The following GMEB1 variants were observed in gnomAD, a reference collection of about 807,000 sequenced individuals.
The protein encoded by GMEB1 is glucocorticoid modulatory element-binding protein 1.
In GMEB1, 6 loss-of-function variants were observed where a neutral mutation model predicts 52.4. The observed-to-expected ratio is 0.11, with a 90% CI of 0.06 to 0.23. The LOEUF (loss-of-function observed/expected upper bound fraction) is 0.23. Ranked by LOEUF, GMEB1 falls within the 10% of genes least tolerant of loss-of-function variation. The pLI, the probability that GMEB1 is intolerant of heterozygous loss-of-function variation, is 1.00. For synonymous variants in GMEB1, 255 were observed against 244.9 expected (o/e 1.04, Z -0.38); for missense variants, 486 against 685.6 (o/e 0.71, Z 3.25).
chr1:28,712,995 C>CAAA (rs35776002), intron 9 of GMEB1, among the ~76,000 whole-genome samples: 29 of 147,232 alleles, frequency 2.0e-4, no homozygotes, highest in Non-Finnish European at 2.5e-4. Context: ...TACTAAAATA[C>CAAA]AAAAAAAAAA....
At chr1:28,674,952 C>T (rs1669080267) in intron 1 of GMEB1, among the ~76,000 whole-genome samples, 3 of 144,690 alleles carry the variant, frequency 2.1e-5, no homozygotes, top group African/African-American at 7.7e-5. Flanking sequence ...ATCTCCTGAC[C>T]TCGTGATCCG....
At chr1:28,708,295 G>A (rs1048016735) in intron 8 of GMEB1, among the ~76,000 whole-genome samples, 2 of 151,978 alleles carry the variant, frequency 1.3e-5, no homozygotes, top group African/African-American at 4.8e-5. Flanking sequence ...CTCCCGAGTA[G>A]CTGGTACTAC....
intron 3 of GMEB1, 78 bp from the exon 4 acceptor site, chr1:28,691,507 C>G: frequency 9.4e-7 from 1 of 1,062,734 alleles, no homozygotes; most frequent in Non-Finnish European, 1.3e-6. Flanking sequence ...CTTAGAGGAA[C>G]CAGGAGACTA....
At chr1:28,674,178 A>G (rs913106133) in intron 1 of GMEB1, among the ~76,000 whole-genome samples, 2 of 151,312 alleles carry the variant, frequency 1.3e-5, no homozygotes, top group African/African-American at 4.9e-5. Flanking sequence ...AATGAAAAAA[A>G]GGAAAACAGA....
chr1:28,670,722 G>A (rs1286148943), intron 1 of GMEB1, among the ~76,000 whole-genome samples: 3 of 151,878 alleles, frequency 2.0e-5, no homozygotes, highest in Admixed American at 6.6e-5. Context: ...ATTCGCCCGC[G>A]TTGGCCTCCT....
intron 6 of GMEB1, among the ~76,000 whole-genome samples, chr1:28,699,220 T>C (rs1670377961): frequency 6.6e-6 from 1 of 152,154 alleles, no homozygotes; most frequent in Admixed American, 6.6e-5. Context: ...TTCAGTATTG[T>C]TGAGTTTGGT....
rs1053979030 is a variant in GMEB1, at chr1:28,717,060, C to T, written c.*2287C>T. 1 of 151,166 alleles carries T rather than the reference C, an allele frequency of 6.6e-6. No individual in the cohort carries two copies. Among genetic ancestry groups the T allele is most frequent in the Non-Finnish European group, 1.5e-5 (1 of 67,858 alleles). The allele number at this position is 151,166 out of a possible 1,614,324, so 9.4% of individuals were successfully genotyped here. A position where few individuals can be genotyped will look rare whatever the true frequency, so the allele number is the denominator to read the frequency against. On this transcript the variant is annotated 3_prime_UTR_variant, in exon 10 of 10. Transcript: ENST00000373816. ...TTTCTTTTTTATTTTTAAGAAGGCA[C>T]CTTTCAGAAGCCATGTTTCTTCCAA...
chr1:28,678,867 C>T (rs942085110), intron 1 of GMEB1, among the ~76,000 whole-genome samples: 5 of 151,998 alleles, frequency 3.3e-5, no homozygotes, highest in Non-Finnish European at 7.4e-5. Context: ...GTATCAGCCA[C>T]GGTGCCTGGC....
intron 1 of GMEB1, among the ~76,000 whole-genome samples, chr1:28,674,643 C>T (rs1216874529): frequency 6.6e-6 from 1 of 151,112 alleles, no homozygotes; most frequent in Non-Finnish European, 1.5e-5. Context: ...GATCTGACTG[C>T]CTGGTCCTCC....
At chr1:28,708,498 G>A (rs1428950103) in intron 8 of GMEB1, among the ~76,000 whole-genome samples, 1 of 147,562 alleles carries the variant, frequency 6.8e-6, no homozygotes, top group Admixed American at 6.8e-5. Flanking sequence ...TTTCGCTGTT[G>A]TTTCCCAGGC....
In GMEB1 at chr1:28,717,851, T is replaced by G. The variant is rs1271271158; in HGVS notation, c.*3078T>G. On this transcript the variant is annotated 3_prime_UTR_variant, in exon 10 of 10. Transcript: ENST00000373816. ...TGAATACCAACGTGCTAGCTCAGGT[T>G]CCCTTCTTTCCTCCATCAGAGCTAT... 6.6e-6 allele frequency: 1 copy of G among 152,160 alleles called. No homozygotes were observed. Among genetic ancestry groups the G allele is most frequent in the Non-Finnish European group, 1.5e-5 (1 of 68,032 alleles). 9.4% of individuals were successfully genotyped at this position (152,160 alleles called of 1,614,324 possible).
intron 1 of GMEB1, among the ~76,000 whole-genome samples, chr1:28,672,252 ACT>A (rs1276614942): frequency 1.4e-5 from 2 of 142,460 alleles, no homozygotes; most frequent in East Asian, 4.1e-4. Flanking sequence ...ACGGAGTCTC[ACT>A]CTGTCGCCCA....
intron 2 of GMEB1, among the ~76,000 whole-genome samples, chr1:28,688,743 G>A (rs1194142892): frequency 1.4e-5 from 2 of 144,340 alleles, no homozygotes; most frequent in African/African-American, 2.6e-5. Context: ...AAAATACACC[G>A]TTTCCAGCAA....
chr1:28,705,496 C>A (rs1432872068), intron 8 of GMEB1, among the ~76,000 whole-genome samples: 1 of 145,386 alleles, frequency 6.9e-6, no homozygotes, highest in Non-Finnish European at 1.5e-5. Context: ...GTCACCCAGG[C>A]TGGAGTGCAG....
In GMEB1 at chr1:28,687,372, ACAC is replaced by A. The variant is rs1285859050; in HGVS notation, c.129-2731_129-2729del. 1.9e-4 allele frequency among the ~76,000 whole-genome samples: 19 copies of A among 101,012 alleles called. 2 individuals are homozygous for A. Among genetic ancestry groups the A allele is most frequent in the South Asian group, 1.0e-3 (3 of 2,976 alleles). The allele number at this position is 101,012 out of a possible 152,430, so 66.3% of individuals were successfully genotyped here. A position where few individuals can be genotyped will look rare whatever the true frequency, so the allele number is the denominator to read the frequency against. ...CACACACACACACACACACACACAC[ACAC>A]ACACACACACACAAAAAAAGACAGT... is the stretch of plus-strand genomic sequence containing the variant. On this transcript the variant is annotated intron_variant, in intron 2 of 9. Transcript: ENST00000373816.
At chr1:28,698,009 G>A (rs974456050) in intron 6 of GMEB1, among the ~76,000 whole-genome samples, 4 of 152,120 alleles carry the variant, frequency 2.6e-5, no homozygotes, top group South Asian at 2.1e-4. Context: ...GTGTGGTGGC[G>A]TGCACCTGCA....
chr1:28,672,197 TTTTATTTA>T (rs201524415), intron 1 of GMEB1, among the ~76,000 whole-genome samples: 48,977 of 135,846 alleles, frequency 0.36, 10,329 homozygotes, highest in East Asian at 0.74. Context: ...TAACTTTTAT[TTTTATTTA>T]TTTATTTATT....
Position 28,716,819 on chromosome 1 carries a change from G to C in GMEB1, c.*2046G>C, listed in dbSNP as rs1213211218. On this transcript the variant is annotated 3_prime_UTR_variant, in exon 10 of 10. Coordinates refer to ENST00000373816, the MANE Select transcript of GMEB1 (RefSeq NM_001319674.2). ...AGAGCTGGGCCATTTTCCGTGCTGC[G>C]ATTTCTTCTCTTTGACCCTCTTCAG... is the stretch of plus-strand genomic sequence containing the variant. 6.6e-6 allele frequency: 1 copy of C among 151,838 alleles called. No individual in the cohort carries two copies. Among genetic ancestry groups the C allele is most frequent in the East Asian group, 1.9e-4 (1 of 5,188 alleles). The allele number at this position is 151,838 out of a possible 1,614,324, so 9.4% of individuals were successfully genotyped here.
chr1:28,671,237 A>G (rs764658634), intron 1 of GMEB1, among the ~76,000 whole-genome samples: 3 of 152,160 alleles, frequency 2.0e-5, no homozygotes, highest in Non-Finnish European at 2.9e-5. Context: ...CCCCGTTTTA[A>G]ACAAAACTGT....
Sources: allele counts gnomAD v4.1 joint callset (sites outside exome capture counted in the v4.1 genomes callset), GRCh38; gene constraint gnomAD v4.1.1; transcripts MANE v1.5; gene names NCBI Gene and HGNC (gene_info 2026-07-23, HGNC 2026-07-21).